The following PAXIP1 variants were observed in gnomAD, a reference collection of about 807,000 sequenced individuals.
PAXIP1 encodes PAX interacting protein 1.
A neutral mutation model predicts 140.6 loss-of-function variants in PAXIP1; 19 were observed. That is an observed-to-expected ratio of 0.14 (90% confidence interval 0.09 to 0.20). The LOEUF (loss-of-function observed/expected upper bound fraction) is 0.20, where lower values mean the gene tolerates loss of function less well. PAXIP1 is among the 10% of genes least tolerant of loss of function. The pLI, the probability that PAXIP1 is intolerant of heterozygous loss-of-function variation, is 1.00. For synonymous variants in PAXIP1, 442 were observed against 444.6 expected (o/e 0.99, Z 0.07); for missense variants, 920 against 1,208.6 (o/e 0.76, Z 3.54).
intron 13 of PAXIP1, among the ~76,000 whole-genome samples, chr7:154,957,840 G>C (rs1808590931): frequency 1.3e-5 from 2 of 151,466 alleles, no homozygotes; most frequent in South Asian, 4.2e-4. Context: ...GGTGGCAGGC[G>C]CCTGTAGTCC....
chr7:154,944,420 C>A (rs1807832321), intron 20 of PAXIP1: 5 of 355,322 alleles, frequency 1.4e-5, no homozygotes, highest in Admixed American at 1.3e-4. Flanking sequence ...GCGGCCAGAA[C>A]TGAGGCCCAG....
chr7:154,984,487 C>A (rs1809978344), intron 4 of PAXIP1, among the ~76,000 whole-genome samples: 2 of 152,324 alleles, frequency 1.3e-5, no homozygotes, highest in East Asian at 3.9e-4. Flanking sequence ...TGCCAATAAT[C>A]TAGCATTGTT....
In PAXIP1 at chr7:154,976,191, CTCTTCT is replaced by C. The variant is rs771838458; in HGVS notation, c.573_578del (p.Glu199_Glu200del). ...CTACTTCCTCCTCCTCTTCCTCTTC[CTCTTCT>C]TCCTCTTCATAAATAATCAGACGAG... On this transcript the variant is annotated inframe_deletion, in exon 6 of 21. Coordinates refer to ENST00000404141, the MANE Select transcript of PAXIP1 (RefSeq NM_007349.4). 3 of 1,610,436 alleles carry C rather than the reference CTCTTCT, an allele frequency of 1.9e-6. No individual in the cohort carries two copies. The highest frequency in any genetic ancestry group is 2.7e-5 in the African/African-American group (2 of 74,872).
chr7:154,985,795 G>C (rs1226948667), intron 4 of PAXIP1, among the ~76,000 whole-genome samples: 1 of 152,116 alleles, frequency 6.6e-6, no homozygotes, highest in Non-Finnish European at 1.5e-5. Flanking sequence ...GTCCAGTCTT[G>C]ACTATGAACT....
At chr7:154,957,319 T>C in intron 13 of PAXIP1, 25 bp from the exon 14 acceptor site, 1 of 1,348,286 alleles carries the variant, frequency 7.4e-7, no homozygotes, top group Non-Finnish European at 1.0e-6. Flanking sequence ...TTGTCGACTT[T>C]AATTCAATCA....
chr7:154,983,996 T>C (rs906012856), intron 4 of PAXIP1, among the ~76,000 whole-genome samples: 5 of 152,222 alleles, frequency 3.3e-5, no homozygotes, highest in Non-Finnish European at 2.9e-5. Context: ...ATTTATTGCC[T>C]GCCTACTATG....
At position 154,946,331 on chromosome 7, in the gene PAXIP1, C is replaced by T. The variant is rs368134658; in HGVS notation, c.3194+34G>A. On this transcript the variant is annotated intron_variant, in intron 20 of 20. Coordinates refer to ENST00000404141, the MANE Select transcript of PAXIP1 (RefSeq NM_007349.4). This position sits in a 1 kb window ranked among gnomAD's most constrained non-coding sequence, Gnocchi z 4.9. ...TGGGAAATCCATTTCATATCTAACC[C>T]GTCTACTTTTTAATTCTCTTTTGGA... is the stretch of plus-strand genomic sequence containing the variant. The T allele has an allele frequency of 1.4e-5, 23 of 1,613,308 alleles. No homozygotes were observed. Among genetic ancestry groups the T allele is most frequent in the East Asian group, 2.2e-5 (1 of 44,898 alleles).
chr7:155,002,787 GGGACGGGGACGGACGGGGACGC>G, intron 1 of PAXIP1, 40 bp downstream of exon 1: 2 of 963,638 alleles, frequency 2.1e-6, no homozygotes, highest in Admixed American at 3.2e-5. Context: ...GACGGGGACG[GGGACGGGGACGGACGGGGACGC>G]GGACGGGGGA....
At chr7:154,984,956 C>T (rs975848053) in intron 4 of PAXIP1, among the ~76,000 whole-genome samples, 12 of 152,170 alleles carry the variant, frequency 7.9e-5, no homozygotes, top group Non-Finnish European at 2.9e-5. Flanking sequence ...GTGGAAAGAA[C>T]ATCAGCTAGG....
Position 154,968,835 on chromosome 7 carries a change from G to T in PAXIP1, c.1366C>A (p.Gln456Lys). 1 of 752,758 alleles carries T rather than the reference G, an allele frequency of 1.3e-6. No individual in the cohort carries two copies. Among genetic ancestry groups the T allele is most frequent in the Admixed American group, 2.0e-5 (1 of 50,024 alleles). The allele number at this position is 752,758 out of a possible 1,614,324, so 46.6% of individuals were successfully genotyped here. ...GAAAACTGATGCGGATGGGCTTGCT[G>T]CTGCTGCTGCTGTTGCTGTGAAAAT... The part of the protein sequence containing the change: ...HPFSQQQQQQ[Q>K]QAHPHQFSQQ... Residue 456 changes from glutamine (Q) to lysine (K), a missense_variant, in exon 7 of 21, where the codon CAG becomes AAG. Physicochemically the swap from Gln to Lys is moderately conservative, Grantham distance 53. Transcript: ENST00000404141.
intron 17 of PAXIP1, chr7:154,947,068 A>G: frequency 2.9e-6 from 1 of 343,840 alleles, no homozygotes; most frequent in Non-Finnish European, 5.3e-6. Context: ...AAGTCCCTAA[A>G]ACAAAGTGTT....
chr7:154,959,895 AC>A lies in PAXIP1; in HGVS notation c.2472del (p.Leu824PhefsTer2), dbSNP rs1808683497. 1 of 1,600,262 alleles carries A rather than the reference AC, an allele frequency of 6.2e-7. No individual in the cohort carries two copies. The highest frequency in any genetic ancestry group is 1.3e-5 in the African/African-American group (1 of 74,650). ...WRVPLKVSAELLMSIRLPPKL... is the reference protein window; with the variant it reads ...WRVPLKVSAEXLMSIRLPPKL... ...AGGTTATTAATTTGACATACCATCA[AC>A]AACTCTGCAGACACTTTTAAGGGAA... On this transcript the variant is annotated frameshift_variant, in exon 13 of 21. Transcript: ENST00000404141. LOFTEE classifies it high-confidence loss of function.
intron 5 of PAXIP1, among the ~76,000 whole-genome samples, chr7:154,978,462 CAATAA>C (rs1429086330): frequency 2.0e-5 from 3 of 152,176 alleles, no homozygotes; most frequent in Non-Finnish European, 4.4e-5. Flanking sequence ...ATACCCTCGA[CAATAA>C]AATGTCTTAT....
At position 154,994,551 on chromosome 7, in the gene PAXIP1, G is replaced by A. The variant is rs149962332; in HGVS notation, c.217-782C>T. Among the ~76,000 whole-genome samples, 980 of 152,182 alleles carry A rather than the reference G, an allele frequency of 6.4e-3. 9 individuals are homozygous for A. Among genetic ancestry groups the A allele is most frequent in the African/African-American group, 0.022 (925 of 41,522 alleles). On this transcript the variant is annotated intron_variant, in intron 2 of 20. Transcript: ENST00000404141. ...TGCAGAGATGGTGCAAGGCGCTGGG[G>A]ATGTAACAATGAAAACGAGAAACGC...
chr7:154,957,608 C>G (rs1220703471), intron 13 of PAXIP1, among the ~76,000 whole-genome samples: 1 of 152,118 alleles, frequency 6.6e-6, no homozygotes, highest in African/African-American at 2.4e-5. Context: ...TATATGCAGC[C>G]CTCAACCTTG....
chr7:154,994,041 T>C (rs1585085502), intron 2 of PAXIP1, among the ~76,000 whole-genome samples: 1 of 152,194 alleles, frequency 6.6e-6, no homozygotes, highest in Non-Finnish European at 1.5e-5. Flanking sequence ...TTATTACTGC[T>C]GACCCCCACA....
At chr7:154,958,184 C>T (rs1474054902) in intron 13 of PAXIP1, among the ~76,000 whole-genome samples, 1 of 152,164 alleles carries the variant, frequency 6.6e-6, no homozygotes, top group African/African-American at 2.4e-5. Context: ...GGACCAGCTC[C>T]AGTCCCTGAC....
At chr7:154,988,273 A>T (rs1810164768) in intron 4 of PAXIP1, among the ~76,000 whole-genome samples, 1 of 151,954 alleles carries the variant, frequency 6.6e-6, no homozygotes, top group Non-Finnish European at 1.5e-5. Context: ...AATTCTGTCC[A>T]TTCTTTCAGG....
chr7:154,981,506 T>C (rs1809842169), intron 5 of PAXIP1, among the ~76,000 whole-genome samples: 1 of 152,186 alleles, frequency 6.6e-6, no homozygotes. Context: ...AACAAATACA[T>C]TACATAAGAC....
Sources: gnomAD v4.1 joint callset for allele counts (sites outside exome capture counted in the v4.1 genomes callset) on GRCh38, gnomAD v4.1.1 for gene constraint, Gnocchi (gnomAD v3.1) non-coding constraint, MANE v1.5 for transcripts, NCBI Gene and HGNC (gene_info 2026-07-23, HGNC 2026-07-21) for gene names.